The following CNTN3 variants were observed in gnomAD, a reference collection of about 807,000 sequenced individuals.
CNTN3 encodes contactin-3.
A neutral mutation model predicts 119.1 loss-of-function variants in CNTN3; 60 were observed. That is an observed-to-expected ratio of 0.50 (90% CI 0.41 to 0.62). The LOEUF (loss-of-function observed/expected upper bound fraction) is 0.62. CNTN3 is among the 20% of genes least tolerant of loss of function. The pLI, the probability that CNTN3 is intolerant of heterozygous loss-of-function variation, is 0.00. For missense variants in CNTN3, 1,101 were observed against 1,242.4 expected (o/e 0.89, Z 1.71); for synonymous variants, 450 against 438.7 (o/e 1.03, Z -0.32).
intron 1 of CNTN3, among the ~76,000 whole-genome samples, chr3:74,603,448 A>G (rs1704943584): frequency 1.3e-5 from 2 of 152,172 alleles, no homozygotes; most frequent in African/African-American, 4.8e-5. Flanking sequence ...CACATAGCCA[A>G]TGCACAATAT....
intron 1 of CNTN3, among the ~76,000 whole-genome samples, chr3:74,552,224 C>T (rs767820605): frequency 6.6e-6 from 1 of 152,174 alleles, no homozygotes; most frequent in Non-Finnish European, 1.5e-5. Context: ...ATTGCTTTCA[C>T]ATTTTGATGA....
chr3:74,336,411 C>CAAAT, intron 12 of CNTN3, 120 bp downstream of exon 12: 1 of 1,060,922 alleles, frequency 9.4e-7, no homozygotes, highest in African/African-American at 1.6e-5. Context: ...AACATAAGTG[C>CAAAT]AAATACAGGT....
At chr3:74,441,289 G>C (rs1701962293) in intron 4 of CNTN3, among the ~76,000 whole-genome samples, 2 of 151,936 alleles carry the variant, frequency 1.3e-5, no homozygotes, top group African/African-American at 4.8e-5. Context: ...CATAATAGAT[G>C]GAAATAAATA....
chr3:74,350,327 C>A (rs1363550188), intron 11 of CNTN3, among the ~76,000 whole-genome samples: 5 of 152,084 alleles, frequency 3.3e-5, no homozygotes, highest in African/African-American at 9.7e-5. Context: ...AAAAAATGCT[C>A]AACATCACTA....
At chr3:74,498,461 G>A (rs1015725890) in intron 3 of CNTN3, among the ~76,000 whole-genome samples, 1 of 151,632 alleles carries the variant, frequency 6.6e-6, no homozygotes, top group East Asian at 1.9e-4. Flanking sequence ...TCTCATCTTT[G>A]CCAACTCTAA....
chr3:74,479,307 T>C (rs531361558), intron 4 of CNTN3, among the ~76,000 whole-genome samples: 149 of 152,118 alleles, frequency 9.8e-4, no homozygotes, highest in African/African-American at 3.4e-3. Context: ...TTTGGTTAGG[T>C]TGGTGCAAAA....
intron 1 of CNTN3, among the ~76,000 whole-genome samples, chr3:74,586,960 G>A (rs1011893567): frequency 5.9e-5 from 9 of 152,138 alleles, no homozygotes; most frequent in African/African-American, 4.8e-5. Flanking sequence ...TGACTATGGT[G>A]AACTGCCTCT....
chr3:74,457,735 C>A (rs150608060), intron 4 of CNTN3, among the ~76,000 whole-genome samples: 1 of 151,886 alleles, frequency 6.6e-6, no homozygotes, highest in Non-Finnish European at 1.5e-5. Context: ...ATTTTTAACA[C>A]CTTTCCTTAA....
chr3:74,594,029 GA>G (rs745933812), intron 1 of CNTN3, among the ~76,000 whole-genome samples: 2 of 151,836 alleles, frequency 1.3e-5, no homozygotes. Context: ...GAGAAGATAT[GA>G]AACTCCAAAC....
At position 74,349,087 on chromosome 3, in the gene CNTN3, T is replaced by TA. The variant is rs534564364; in HGVS notation, c.1365-12430dup. ...GGTGACACAGCGAGACCCTGTCTCT[T>TA]AAAAAAAAAAAAAAAGTTTTAGAGT... On this transcript the variant is annotated intron_variant, in intron 11 of 22. Transcript: ENST00000263665. 8.2e-3 allele frequency among the ~76,000 whole-genome samples: 1,126 copies of TA among 137,676 alleles called. 13 individuals are homozygous for TA. Among genetic ancestry groups the TA allele is most frequent in the African/African-American group, 0.026 (983 of 37,626 alleles). 90.3% of individuals were successfully genotyped at this position (137,676 alleles called of 152,430 possible).
intron 20 of CNTN3, among the ~76,000 whole-genome samples, chr3:74,277,202 A>T (rs1467927000): frequency 2.0e-5 from 3 of 151,240 alleles, no homozygotes; most frequent in Non-Finnish European, 3.0e-5. Context: ...CTACCAGACC[A>T]TTGGAACCAA....
chr3:74,272,522 G>GA (rs565465596), intron 20 of CNTN3, among the ~76,000 whole-genome samples: 12 of 152,182 alleles, frequency 7.9e-5, no homozygotes, highest in African/African-American at 2.2e-4. Context: ...ATAGATGGGG[G>GA]AAAAAAACAC....
intron 1 of CNTN3, among the ~76,000 whole-genome samples, chr3:74,554,797 T>G (rs1704044549): frequency 1.3e-5 from 2 of 152,242 alleles, no homozygotes; most frequent in Admixed American, 1.3e-4. Flanking sequence ...GCTTGTCAGC[T>G]TAAGAAGATT....
chr3:74,326,555 G>T (rs1159403168), intron 13 of CNTN3, among the ~76,000 whole-genome samples: 1 of 152,012 alleles, frequency 6.6e-6, no homozygotes, highest in Non-Finnish European at 1.5e-5. Context: ...ACAACTAGTT[G>T]TAAGAAAGCT....
At chr3:74,521,406 G>C (rs1465806995) in intron 1 of CNTN3, among the ~76,000 whole-genome samples, 1 of 150,974 alleles carries the variant, frequency 6.6e-6, no homozygotes, top group Non-Finnish European at 1.5e-5. Context: ...CGATCTTATA[G>C]AATTTGAAAT....
At chr3:74,273,362 T>C (rs6783557) in intron 20 of CNTN3, among the ~76,000 whole-genome samples, 34,125 of 151,978 alleles carry the variant, frequency 0.22, 3,955 homozygotes, top group Non-Finnish European at 0.24. Context: ...GAGGCTTGCA[T>C]TGTGAATTTT....
chr3:74,424,847 C>T lies in CNTN3; in HGVS notation c.452G>A (p.Gly151Glu). Residue 151 changes from glycine (G) to glutamate (E), a missense_variant and splice_region_variant, in exon 5 of 23, where the codon GGA (glycine) becomes GAA (glutamate). By Grantham distance (98) the Gly-to-Glu change is moderately conservative. Coordinates refer to ENST00000263665, the MANE Select transcript of CNTN3 (RefSeq NM_020872.3). ...AGCAGAAACAGAGCATGACTTACCT[C>T]CAGAGTGTGGTGGGGGGCCGCAGAG... ...VLLCGPPPHS[G>E]ELSYAWIFNE... The T allele has an allele frequency of 6.2e-7, 1 of 1,613,218 alleles. No homozygotes were observed. The highest frequency in any genetic ancestry group is 8.5e-7 in the Non-Finnish European group (1 of 1,179,372).
intron 3 of CNTN3, among the ~76,000 whole-genome samples, chr3:74,494,260 G>A (rs932128423): frequency 1.3e-5 from 2 of 151,956 alleles, no homozygotes; most frequent in Non-Finnish European, 2.9e-5. Context: ...TGATCAATAC[G>A]TGTACATCCA....
intron 13 of CNTN3, among the ~76,000 whole-genome samples, chr3:74,305,680 T>C (rs1702548742): frequency 6.6e-6 from 1 of 151,222 alleles, no homozygotes; most frequent in South Asian, 2.1e-4. Context: ...ATGAGAAGGC[T>C]GGATTGTGGC....
Sources: allele counts gnomAD v4.1 joint callset (sites outside exome capture counted in the v4.1 genomes callset), GRCh38; gene constraint gnomAD v4.1.1; transcripts MANE v1.5; gene names NCBI Gene and HGNC (gene_info 2026-07-23, HGNC 2026-07-21).